Variants in GALNT11 observed in about 807,000 individuals in gnomAD.
GALNT11 encodes UDP-GalNAc:polypeptide N-acetylgalactosaminyltransferase 11.
A neutral mutation model predicts 72.7 loss-of-function variants in GALNT11; 47 were observed. The ratio of observed to expected loss-of-function variants is 0.65; its 90% CI spans 0.51 to 0.82. The LOEUF is 0.82. Ranked by LOEUF, GALNT11 falls within the 40% of genes least tolerant of loss-of-function variation. The pLI is 0.00. For synonymous variants in GALNT11, 270 were observed against 286.6 expected (o/e 0.94, Z 0.58); for missense variants, 677 against 778.4 (o/e 0.87, Z 1.55).
chr7:152,042,133 G>A (rs1397920677), intron 1 of GALNT11, among the ~76,000 whole-genome samples: 2 of 152,156 alleles, frequency 1.3e-5, no homozygotes, highest in Non-Finnish European at 1.5e-5. Flanking sequence ...CAGTGAAAAC[G>A]TTTAGCAGGC....
chr7:152,094,102 C>T lies in GALNT11; in HGVS notation c.-38-88C>T. The T allele has an allele frequency of 1.9e-6, 2 of 1,074,780 alleles. No individual in the cohort carries two copies. Among genetic ancestry groups the T allele is most frequent in the Non-Finnish European group, 2.7e-6 (2 of 739,406 alleles). The allele number at this position is 1,074,780 out of a possible 1,614,324, so 66.6% of individuals were successfully genotyped here. ...GTTAACTGTACGCATAGTGGTCCTA[C>T]TTGGTGGTTTGGAAAACAGTGATTC... On this transcript the variant is annotated intron_variant, in intron 1 of 11. Coordinates refer to ENST00000430044, the MANE Select transcript of GALNT11 (RefSeq NM_022087.4). The surrounding 1 kb of genome is among the most constrained non-coding windows in gnomAD (Gnocchi z 4.3).
At chr7:152,119,005 G>T (rs2089168169) in intron 10 of GALNT11, 3 of 361,852 alleles carry the variant, frequency 8.3e-6, no homozygotes, top group African/African-American at 2.1e-5. Context: ...GAAAAAAACT[G>T]CAACCTCCAG....
chr7:152,094,163 T>G lies in GALNT11; in HGVS notation c.-38-27T>G. 1 of 1,509,424 alleles carries G rather than the reference T, an allele frequency of 6.6e-7. No homozygotes were observed. Among genetic ancestry groups the G allele is most frequent in the African/African-American group, 1.4e-5 (1 of 71,700 alleles). 93.5% of individuals were successfully genotyped at this position (1,509,424 alleles called of 1,614,324 possible). On this transcript the variant is annotated intron_variant, in intron 1 of 11. Coordinates refer to ENST00000430044, the MANE Select transcript of GALNT11 (RefSeq NM_022087.4). The surrounding 1 kb of genome is among the most constrained non-coding windows in gnomAD (Gnocchi z 4.3). ...GGATGGTTTAAAGTATACTGAAGTGTCTAACATATTTATTCTTCTTTTTTA... is the reference window on the plus strand; with the variant it reads ...GGATGGTTTAAAGTATACTGAAGTGGCTAACATATTTATTCTTCTTTTTTA...
intron 4 of GALNT11, among the ~76,000 whole-genome samples, 173 bp from the exon 5 acceptor site, chr7:152,105,072 T>C (rs1449741415): frequency 6.6e-6 from 1 of 152,240 alleles, no homozygotes; most frequent in Non-Finnish European, 1.5e-5. Flanking sequence ...CTTCATTTCT[T>C]TTTCTTCCTA....
At chr7:152,075,220 C>T (rs1178536949) in intron 1 of GALNT11, 2 of 152,292 alleles carry the variant, frequency 1.3e-5, no homozygotes, top group African/African-American at 4.8e-5. Flanking sequence ...GTTTCCAGCA[C>T]AGTTTGCCCT....
At position 152,117,339 on chromosome 7, in the gene GALNT11, A is replaced by G. The variant is rs1303420750; in HGVS notation, c.1416A>G (p.Arg472=). ...AKPQQPIFVN[R]GPKRPKVLQR... ...CCCAACAACCCATTTTTGTCAATAG[A>G]GGGCCAAAACGACCCAAAGTCCTTC... The change falls in exon 9 of 12, where the codon AGA becomes AGG. Residue 472 remains arginine, a synonymous_variant. Coordinates refer to ENST00000430044, the MANE Select transcript of GALNT11 (RefSeq NM_022087.4). 1.9e-6 allele frequency: 3 copies of G among 1,614,178 alleles called. No individual in the cohort carries two copies. The highest frequency in any genetic ancestry group is 2.2e-5 in the East Asian group (1 of 44,890).
At chr7:152,121,312 CTGTT>C (rs2129083014) in intron 11 of GALNT11, among the ~76,000 whole-genome samples, 1 of 152,358 alleles carries the variant, frequency 6.6e-6, no homozygotes, top group South Asian at 2.1e-4. Context: ...GCCCAACAGC[CTGTT>C]TGTTTTCTCT....
At chr7:152,085,745 C>T (rs1360526191) in intron 1 of GALNT11, among the ~76,000 whole-genome samples, 1 of 152,052 alleles carries the variant, frequency 6.6e-6, no homozygotes, top group African/African-American at 2.4e-5. Flanking sequence ...GAGACAGTCT[C>T]GCTCTCTTGC....
At chr7:152,115,643 G>A (rs2088765711) in intron 8 of GALNT11, among the ~76,000 whole-genome samples, 1 of 152,158 alleles carries the variant, frequency 6.6e-6, no homozygotes, top group Non-Finnish European at 1.5e-5. Context: ...ACTAAATAAT[G>A]AAAATGAAAA....
At chr7:152,111,735 T>C (rs966527971) in intron 7 of GALNT11, among the ~76,000 whole-genome samples, 1 of 152,128 alleles carries the variant, frequency 6.6e-6, no homozygotes, top group African/African-American at 2.4e-5. Context: ...TTGTTCTTTT[T>C]TTGTTGGTTT....
intron 1 of GALNT11, among the ~76,000 whole-genome samples, chr7:152,029,053 G>A (rs931625951): frequency 2.6e-5 from 4 of 152,192 alleles, no homozygotes; most frequent in African/African-American, 9.7e-5. Flanking sequence ...GAGTTTGAAA[G>A]GCGTCTGATT....
intron 4 of GALNT11, chr7:152,104,747 G>C (rs2087341940): frequency 6.6e-6 from 1 of 152,120 alleles, no homozygotes; most frequent in African/African-American, 2.4e-5. Context: ...TAGCAACCTT[G>C]GAAGAAAGAT....
chr7:152,105,273 T>C lies in GALNT11; in HGVS notation c.615T>C (p.Tyr205=). 6.2e-7 allele frequency: 1 copy of C among 1,613,922 alleles called. No individual in the cohort carries two copies. Among genetic ancestry groups the C allele is most frequent in the Non-Finnish European group, 8.5e-7 (1 of 1,179,934 alleles). Residue 205 remains tyrosine (Y), a synonymous_variant, in exon 5 of 12, where the codon TAT becomes TAC. Coordinates refer to ENST00000430044, the MANE Select transcript of GALNT11 (RefSeq NM_022087.4). ...ATTTGAAAGGAGAACTAGATGAATA[T>C]GTCCAAAAATACCTCCCTGGAAAAA... ...FDDLKGELDE[Y]VQKYLPGKIK...
intron 1 of GALNT11, among the ~76,000 whole-genome samples, chr7:152,054,817 C>T (rs1031114491): frequency 6.6e-6 from 1 of 152,100 alleles, no homozygotes; most frequent in Non-Finnish European, 1.5e-5. Context: ...CTGAGCTTGG[C>T]ATGTTCATGT....
intron 4 of GALNT11, 30 bp from the exon 5 acceptor site, chr7:152,105,215 G>A (rs1024160014): frequency 2.5e-6 from 4 of 1,606,490 alleles, no homozygotes. Context: ...GTCTCATACA[G>A]TTTGAATAAT....
chr7:152,049,114 T>C (rs1398609606), intron 1 of GALNT11, among the ~76,000 whole-genome samples: 3 of 152,126 alleles, frequency 2.0e-5, no homozygotes, highest in African/African-American at 7.2e-5. Flanking sequence ...TCTCCAAGAT[T>C]GGTTGCTGAT....
chr7:152,111,628 G>A (rs906956493), intron 7 of GALNT11, among the ~76,000 whole-genome samples: 113 of 144,864 alleles, frequency 7.8e-4, no homozygotes, highest in African/African-American at 2.0e-3. Flanking sequence ...GTGTGTGTGT[G>A]TATATATATA....
At chr7:152,093,235 G>GAA (rs779508496) in intron 1 of GALNT11, among the ~76,000 whole-genome samples, 4 of 109,998 alleles carry the variant, frequency 3.6e-5, no homozygotes, top group Non-Finnish European at 4.0e-5. Flanking sequence ...TCTTAAAAAG[G>GAA]AAAAAAAAAA....
intron 5 of GALNT11, among the ~76,000 whole-genome samples, chr7:152,106,446 TAAC>T (rs952730657): frequency 1.7e-4 from 26 of 151,792 alleles, no homozygotes; most frequent in African/African-American, 5.8e-4. Flanking sequence ...CTGAAGCAAT[TAAC>T]AAAAAAAAAA....
Sources: allele counts gnomAD v4.1 joint callset (sites outside exome capture counted in the v4.1 genomes callset), GRCh38; gene constraint gnomAD v4.1.1; non-coding constraint Gnocchi (gnomAD v3.1); transcripts MANE v1.5; gene names NCBI Gene and HGNC (gene_info 2026-07-23, HGNC 2026-07-21).